Variants in LEMD1 observed in about 807,000 individuals in gnomAD.
LEMD1 encodes LEM domain-containing protein 1.
LEMD1 carries 18 observed loss-of-function variants against 17.4 expected under a neutral mutation model. That is an observed-to-expected ratio of 1.04 (90% confidence interval 0.72 to 1.54). LEMD1 has a LOEUF of 1.54. Among genes scored for constraint, LEMD1 ranks in the 40% most tolerant of loss-of-function variants. The probability of loss-of-function intolerance (pLI) is 0.00; values close to 1 mark genes in which losing one functional copy is unlikely to be tolerated. For synonymous variants in LEMD1, 88 were observed against 77.8 expected (o/e 1.13, Z -0.69); for missense variants, 195 against 210.4 (o/e 0.93, Z 0.45).
At chr1:205,416,463 G>C (rs1197259487) in intron 3 of LEMD1, among the ~76,000 whole-genome samples, 167 bp from the exon 4 acceptor site, 1 of 152,160 alleles carries the variant, frequency 6.6e-6, no homozygotes. Flanking sequence ...TCCTGAGCTG[G>C]AGCAGCCTTT....
intron 4 of LEMD1, among the ~76,000 whole-genome samples, chr1:205,407,329 CAAAAAAAAAA>C (rs1202450022): frequency 1.8e-5 from 1 of 55,278 alleles, no homozygotes; most frequent in African/African-American, 7.6e-5. Context: ...GACCCCATCT[CAAAAAAAAAA>C]AAAAAAAAAA....
intron 4 of LEMD1, among the ~76,000 whole-genome samples, chr1:205,399,969 G>A (rs77594411): frequency 1.3e-5 from 2 of 152,212 alleles, no homozygotes. Flanking sequence ...TAAGGCTAAC[G>A]AGTGAGGGTC....
At chr1:205,383,430 A>G (rs1195690902) in intron 5 of LEMD1, among the ~76,000 whole-genome samples, 1 of 151,972 alleles carries the variant, frequency 6.6e-6, no homozygotes, top group Admixed American at 6.6e-5. Context: ...TATAATGTGT[A>G]AAGATCAAAT....
chr1:205,389,267 T>G (rs1372287881), intron 4 of LEMD1, among the ~76,000 whole-genome samples: 1 of 152,070 alleles, frequency 6.6e-6, no homozygotes, highest in Non-Finnish European at 1.5e-5. Context: ...CAGGCTGGTC[T>G]TGAACTCCTG....
intron 1 of LEMD1, among the ~76,000 whole-genome samples, chr1:205,431,898 A>T (rs375022295): frequency 6.6e-6 from 1 of 151,980 alleles, no homozygotes; most frequent in Non-Finnish European, 1.5e-5. Flanking sequence ...TGTATTTTTA[A>T]TAGAGACGGG....
At chr1:205,409,598 C>T (rs1665288624) in intron 4 of LEMD1, among the ~76,000 whole-genome samples, 1 of 142,424 alleles carries the variant, frequency 7.0e-6, no homozygotes, top group Non-Finnish European at 1.5e-5. Context: ...CAGTCTGGCT[C>T]TACAGTCTTT....
intron 1 of LEMD1, among the ~76,000 whole-genome samples, chr1:205,421,586 A>G (rs1267859605): frequency 6.6e-6 from 1 of 152,212 alleles, no homozygotes; most frequent in Non-Finnish European, 1.5e-5. Context: ...TGGAATACCT[A>G]GTTTGACAGT....
intron 4 of LEMD1, among the ~76,000 whole-genome samples, chr1:205,406,460 C>G (rs1460684512): frequency 1.3e-5 from 2 of 152,248 alleles, no homozygotes; most frequent in Non-Finnish European, 2.9e-5. Context: ...TGATCTCAGA[C>G]TGCTGTGCTA....
intron 1 of LEMD1, among the ~76,000 whole-genome samples, chr1:205,442,852 G>A (rs1202155289): frequency 2.0e-5 from 3 of 152,140 alleles, no homozygotes; most frequent in East Asian, 1.9e-4. Context: ...AGAGAGAGAC[G>A]GGGATCCAAT....
chr1:205,415,095 G>C (rs1406504468), intron 4 of LEMD1, among the ~76,000 whole-genome samples: 2 of 152,130 alleles, frequency 1.3e-5, no homozygotes, highest in Non-Finnish European at 2.9e-5. Flanking sequence ...ATAAACCCAG[G>C]CCGCAGATGC....
chr1:205,398,624 T>G (rs943975260), intron 4 of LEMD1, among the ~76,000 whole-genome samples: 16 of 152,264 alleles, frequency 1.1e-4, no homozygotes, highest in African/African-American at 3.6e-4. Flanking sequence ...AGAAGGGACA[T>G]GGACACAGAA....
chr1:205,412,832 T>G (rs1435067078), intron 4 of LEMD1, among the ~76,000 whole-genome samples: 1 of 152,214 alleles, frequency 6.6e-6, no homozygotes, highest in Non-Finnish European at 1.5e-5. Flanking sequence ...TTCAGGTTTA[T>G]GTAAAGTGGA....
At position 205,417,190 on chromosome 1, in the gene LEMD1, A is replaced by T. The variant is rs564023776; in HGVS notation, c.206-894T>A. On this transcript the variant is annotated intron_variant, in intron 3 of 5. Transcript: ENST00000367153. ...GTTTGCTACTTGTGGCAACCACAGA[A>T]TTGCATTACAAGGGTAGGACTGAAT... Among the ~76,000 whole-genome samples the T allele has an allele frequency of 3.3e-5, 5 of 152,322 alleles. No homozygotes were observed. The East Asian group carries it at 9.6e-4, about 29-fold the overall frequency.
At chr1:205,383,949 A>ATTTTTTTT (rs112731126) in intron 5 of LEMD1, among the ~76,000 whole-genome samples, 2 of 130,806 alleles carry the variant, frequency 1.5e-5, no homozygotes. Context: ...TATCCTTTAC[A>ATTTTTTTT]TTTTTTTTTT....
At chr1:205,403,623 T>C (rs368071377) in intron 4 of LEMD1, among the ~76,000 whole-genome samples, 1 of 152,162 alleles carries the variant, frequency 6.6e-6, no homozygotes, top group South Asian at 2.1e-4. Flanking sequence ...TAGCGGTCTA[T>C]CAATTTTGTT....
chr1:205,418,673 G>A (rs986187644), intron 3 of LEMD1, among the ~76,000 whole-genome samples: 2 of 152,006 alleles, frequency 1.3e-5, no homozygotes, highest in African/African-American at 2.4e-5. Flanking sequence ...GTGCCATCAC[G>A]CCCAGCTAAT....
intron 4 of LEMD1, among the ~76,000 whole-genome samples, chr1:205,388,390 G>A (rs964696153): frequency 6.6e-6 from 1 of 152,130 alleles, no homozygotes; most frequent in Non-Finnish European, 1.5e-5. Flanking sequence ...AGTAGAGACG[G>A]GGTTTCACCA....
At chr1:205,443,838 C>A (rs1354374754) in intron 1 of LEMD1, among the ~76,000 whole-genome samples, 1 of 152,182 alleles carries the variant, frequency 6.6e-6, no homozygotes, top group African/African-American at 2.4e-5. Flanking sequence ...ATTTCCGTAT[C>A]CCTGCCCGCT....
intron 4 of LEMD1, among the ~76,000 whole-genome samples, chr1:205,408,537 G>C (rs1665234565): frequency 1.5e-5 from 2 of 129,832 alleles, no homozygotes; most frequent in Non-Finnish European, 3.2e-5. Flanking sequence ...ATCTCACTCT[G>C]TCACCCAAGC....
Sources: allele counts gnomAD v4.1 joint callset (sites outside exome capture counted in the v4.1 genomes callset), GRCh38; gene constraint gnomAD v4.1.1; transcripts MANE v1.5; gene names NCBI Gene and HGNC (gene_info 2026-07-23, HGNC 2026-07-21).